GSE1: variants seen among roughly 807,000 people sequenced by gnomAD.
GSE1 encodes genetic suppressor element 1.
A neutral mutation model predicts 112.6 loss-of-function variants in GSE1; 32 were observed. That is an observed-to-expected ratio of 0.28 (90% CI 0.21 to 0.38). The LOEUF (loss-of-function observed/expected upper bound fraction) is 0.38. Ranked by LOEUF, GSE1 falls within the 10% of genes least tolerant of loss-of-function variation. The pLI is 1.00. For missense variants in GSE1, 2,348 were observed against 1,699.2 expected (o/e 1.38, Z -6.71); for synonymous variants, 1,115 against 735.6 (o/e 1.52, Z -8.35).
intron 2 of GSE1, among the ~76,000 whole-genome samples, chr16:85,368,889 G>A (rs2047239218): frequency 6.6e-6 from 1 of 152,114 alleles, no homozygotes; most frequent in African/African-American, 2.4e-5. Flanking sequence ...GACGGCTCTG[G>A]GAGGGCTGCG....
chr16:85,646,744 G>A (rs1039147982), intron 2 of GSE1, among the ~76,000 whole-genome samples: 24 of 152,124 alleles, frequency 1.6e-4, no homozygotes, highest in Non-Finnish European at 3.1e-4. Flanking sequence ...GTGTGCAGCC[G>A]TGCACCCCCT....
intron 2 of GSE1, among the ~76,000 whole-genome samples, chr16:85,501,770 G>T (rs991048297): frequency 1.3e-5 from 2 of 152,214 alleles, no homozygotes; most frequent in African/African-American, 4.8e-5. Flanking sequence ...CTCGGGTCAG[G>T]CTGCTGCCCA....
intron 2 of GSE1, among the ~76,000 whole-genome samples, chr16:85,385,883 C>T (rs981884615): frequency 2.7e-4 from 41 of 152,304 alleles, no homozygotes; most frequent in African/African-American, 8.4e-4. Flanking sequence ...TGAGACGGGG[C>T]GTGCACAGCC....
intron 13 of GSE1, among the ~76,000 whole-genome samples, chr16:85,667,711 T>C (rs1437008514): frequency 3.9e-5 from 6 of 152,018 alleles, no homozygotes; most frequent in African/African-American, 1.4e-4. Context: ...ATGCAAAAAT[T>C]AGCTGGGCAT....
In GSE1 at chr16:85,239,077, G is replaced by A. The variant is rs147530585; in HGVS notation, c.2283+67270G>A. Among the ~76,000 whole-genome samples, 4 of 152,132 alleles carry A rather than the reference G, an allele frequency of 2.6e-5. No homozygotes were observed. The East Asian group carries it at 5.8e-4, about 22-fold the overall frequency. ...CGAGCAGCTGGGATTATAGGCACCC[G>A]CCACCACGCCCCCCTAATTTGTTTT... is the stretch of plus-strand genomic sequence containing the variant. On this transcript the variant is annotated intron_variant, in intron 1 of 2. Coordinates refer to the GSE1 transcript ENST00000637419.
At chr16:85,615,648 A>C (rs990007056) in intron 1 of GSE1, among the ~76,000 whole-genome samples, 10 of 152,194 alleles carry the variant, frequency 6.6e-5, no homozygotes, top group Non-Finnish European at 1.5e-4. Context: ...AGTGAGGCTG[A>C]GCTCAAAACA....
rs115373995 is a variant in GSE1 at position 85,397,386 on chromosome 16, T to C, written c.2464+39743T>C. Among the ~76,000 whole-genome samples the C allele has an allele frequency of 3.2e-3, 482 of 152,368 alleles. 2 individuals are homozygous for C. Among genetic ancestry groups the C allele is most frequent in the African/African-American group, 0.011 (461 of 41,578 alleles). On this transcript the variant is annotated intron_variant, in intron 2 of 2. Coordinates refer to the GSE1 transcript ENST00000637419. ...CTGATGCAGGTGCTGAGCCGTCTCC[T>C]GCGGGCGGTGTGTCCCCAAGGCAAG... is the stretch of plus-strand genomic sequence containing the variant.
At chr16:85,556,845 C>T (rs2045251424) in intron 1 of GSE1, among the ~76,000 whole-genome samples, 1 of 151,596 alleles carries the variant, frequency 6.6e-6, no homozygotes. Context: ...GGCCCCCCCG[C>T]CGCCCCCCTT....
intron 1 of GSE1, among the ~76,000 whole-genome samples, chr16:85,307,456 C>A (rs889618053): frequency 6.6e-6 from 1 of 152,190 alleles, no homozygotes; most frequent in Non-Finnish European, 1.5e-5. Flanking sequence ...GCTGCACTCA[C>A]AGTTATAGTT....
At chr16:85,305,275 A>G (rs1444932865) in intron 1 of GSE1, among the ~76,000 whole-genome samples, 1 of 152,222 alleles carries the variant, frequency 6.6e-6, no homozygotes. Flanking sequence ...GACCCTGGGC[A>G]TCAGGATGAT....
intron 1 of GSE1, among the ~76,000 whole-genome samples, chr16:85,200,762 C>A (rs2075013366): frequency 2.0e-5 from 3 of 152,186 alleles, no homozygotes; most frequent in Non-Finnish European, 4.4e-5. Flanking sequence ...TGGACTATTT[C>A]AGCTATTTTT....
chr16:85,217,506 G>T (rs1358751815), intron 1 of GSE1, among the ~76,000 whole-genome samples: 1 of 152,234 alleles, frequency 6.6e-6, no homozygotes, highest in South Asian at 2.1e-4. Context: ...GTTTGACCAG[G>T]GGGATCCCAG....
intron 2 of GSE1, among the ~76,000 whole-genome samples, chr16:85,480,390 G>T (rs2050634370): frequency 6.6e-6 from 1 of 152,106 alleles, no homozygotes; most frequent in Non-Finnish European, 1.5e-5. Context: ...GGCGCGCGTG[G>T]CACCAGTGTG....
intron 1 of GSE1, among the ~76,000 whole-genome samples, chr16:85,226,819 A>ATGTGTGTGTG (rs2075496568): frequency 1.0e-5 from 1 of 99,782 alleles, no homozygotes; most frequent in Admixed American, 1.1e-4. Flanking sequence ...GTGTGTGTGA[A>ATGTGTGTGTG]GGAGGACGAA....
chr16:85,550,382 G>T (rs2044862054), intron 2 of GSE1, among the ~76,000 whole-genome samples: 1 of 152,190 alleles, frequency 6.6e-6, no homozygotes, highest in African/African-American at 2.4e-5. Flanking sequence ...AGGATCCAAT[G>T]CGCTATCCAG....
chr16:85,225,338 TC>T (rs538633309), intron 1 of GSE1, among the ~76,000 whole-genome samples: 42 of 152,144 alleles, frequency 2.8e-4, no homozygotes, highest in African/African-American at 1.0e-3. Flanking sequence ...AGAGGGGTGT[TC>T]CTGGCAGAGA....
intron 2 of GSE1, among the ~76,000 whole-genome samples, chr16:85,470,136 T>G (rs2050242028): frequency 6.6e-6 from 1 of 152,138 alleles, no homozygotes; most frequent in Non-Finnish European, 1.5e-5. Context: ...TTTTATCACC[T>G]CCCACCCCTC....
intron 3 of GSE1, among the ~76,000 whole-genome samples, chr16:85,651,666 G>C (rs957336530): frequency 6.6e-6 from 1 of 152,166 alleles, no homozygotes; most frequent in Non-Finnish European, 1.5e-5. Context: ...TCCTCAGGTC[G>C]AGGTCTGTCC....
intron 2 of GSE1, among the ~76,000 whole-genome samples, chr16:85,635,894 T>C (rs776053811): frequency 3.7e-4 from 56 of 152,168 alleles, no homozygotes; most frequent in Admixed American, 7.9e-4. Flanking sequence ...AGACTCGCCT[T>C]CCCTCCCTGG....
Sources: gnomAD v4.1 joint callset for allele counts (sites outside exome capture counted in the v4.1 genomes callset) on GRCh38, gnomAD v4.1.1 for gene constraint, MANE v1.5 for transcripts, NCBI Gene and HGNC (gene_info 2026-07-23, HGNC 2026-07-21) for gene names.